Variants in CADM2 observed in about 807,000 individuals in gnomAD.
The protein encoded by CADM2 is cell adhesion molecule 2, also known as immunoglobulin superfamily member 4D.
CADM2 carries 12 observed loss-of-function variants against 49.8 expected under a neutral mutation model. The ratio of observed to expected loss-of-function variants is 0.24; its 90% CI spans 0.15 to 0.39. CADM2 has a LOEUF of 0.39. Ranked by LOEUF, CADM2 falls within the 10% of genes least tolerant of loss-of-function variation. The pLI, the probability that CADM2 is intolerant of heterozygous loss-of-function variation, is 1.00. For synonymous variants in CADM2, 214 were observed against 175.4 expected (o/e 1.22, Z -1.74); for missense variants, 378 against 492.3 (o/e 0.77, Z 2.20).
intron 1 of CADM2, among the ~76,000 whole-genome samples, chr3:84,970,716 A>G (rs2031373067): frequency 6.6e-6 from 1 of 152,052 alleles, no homozygotes; most frequent in African/African-American, 2.4e-5. Context: ...TACAGTTGGT[A>G]TTAAGAATTA....
At chr3:85,859,061 C>T (rs1489954532) in intron 3 of CADM2, among the ~76,000 whole-genome samples, 1 of 151,998 alleles carries the variant, frequency 6.6e-6, no homozygotes, top group Admixed American at 6.6e-5. Flanking sequence ...AAAACATTCT[C>T]ATTGTATACT....
chr3:85,845,437 G>A (rs1328603618), intron 3 of CADM2, among the ~76,000 whole-genome samples: 1 of 152,118 alleles, frequency 6.6e-6, no homozygotes, highest in Non-Finnish European at 1.5e-5. Context: ...GTTCAATCCA[G>A]ATCACTTACC....
Position 85,406,066 on chromosome 3 carries a change from T to C in CADM2, c.62-320456T>C, listed in dbSNP as rs370344264. 1.8e-4 allele frequency among the ~76,000 whole-genome samples: 28 copies of C among 152,148 alleles called. 1 individual carries two copies. The East Asian group carries it at 2.9e-3, about 16-fold the overall frequency. ...ATAAGTAATTTAACTATAAATGGAT[T>C]ATAAAAATCACTTTCAAAAACATCT... On this transcript the variant is annotated intron_variant, in intron 1 of 9. Transcript: ENST00000383699.
intron 1 of CADM2, among the ~76,000 whole-genome samples, chr3:85,596,664 TTA>T (rs2063249093): frequency 6.6e-6 from 1 of 152,078 alleles, no homozygotes; most frequent in Non-Finnish European, 1.5e-5. Flanking sequence ...ACAAGGCAGA[TTA>T]TAGAACATTT....
intron 1 of CADM2, among the ~76,000 whole-genome samples, chr3:85,261,040 C>G (rs1323929881): frequency 6.6e-6 from 1 of 151,956 alleles, no homozygotes; most frequent in African/African-American, 2.4e-5. Context: ...TATTTTTTTG[C>G]TTTCTCTTTC....
chr3:85,568,405 TTC>T (rs1397145475), intron 1 of CADM2, among the ~76,000 whole-genome samples: 2 of 27,566 alleles, frequency 7.3e-5, no homozygotes, highest in African/African-American at 2.1e-4. Context: ...CCCTCTTTCT[TTC>T]TTTCTTTCTT....
chr3:85,095,438 T>C (rs1466607758), intron 1 of CADM2, among the ~76,000 whole-genome samples: 2 of 152,270 alleles, frequency 1.3e-5, no homozygotes, highest in East Asian at 3.9e-4. Flanking sequence ...AACATTCTCC[T>C]ATTGTTTCAC....
intron 1 of CADM2, among the ~76,000 whole-genome samples, chr3:85,192,009 G>A (rs1355540444): frequency 6.6e-6 from 1 of 151,180 alleles, no homozygotes. Flanking sequence ...AACTCTGTTG[G>A]ACAATGTCTC....
intron 1 of CADM2, among the ~76,000 whole-genome samples, chr3:85,342,558 A>C (rs1346562347): frequency 6.6e-6 from 1 of 152,124 alleles, no homozygotes; most frequent in Non-Finnish European, 1.5e-5. Flanking sequence ...TGTAAAGAAT[A>C]GTCCTTGTTC....
At chr3:85,704,850 A>C (rs2107719223) in intron 1 of CADM2, among the ~76,000 whole-genome samples, 1 of 150,124 alleles carries the variant, frequency 6.7e-6, no homozygotes, top group South Asian at 2.1e-4. Flanking sequence ...CTCTTTATTT[A>C]TTTATTATTA....
chr3:85,412,257 T>A (rs2107471920), intron 1 of CADM2, among the ~76,000 whole-genome samples: 1 of 152,340 alleles, frequency 6.6e-6, no homozygotes, highest in South Asian at 2.1e-4. Context: ...ACCTCTCAAA[T>A]GGATTACTGT....
intron 1 of CADM2, among the ~76,000 whole-genome samples, chr3:85,145,983 A>T (rs2039726796): frequency 6.6e-6 from 1 of 152,208 alleles, no homozygotes; most frequent in African/African-American, 2.4e-5. Context: ...GAGACAATAA[A>T]GACAAATTCT....
chr3:85,205,920 A>T (rs1002033463), intron 1 of CADM2, among the ~76,000 whole-genome samples: 2 of 152,150 alleles, frequency 1.3e-5, no homozygotes, highest in African/African-American at 4.8e-5. Context: ...AATAGCTCAA[A>T]CTAATTCAAA....
chr3:85,200,868 C>T (rs1284650295), intron 1 of CADM2, among the ~76,000 whole-genome samples: 1 of 152,154 alleles, frequency 6.6e-6, no homozygotes, highest in Non-Finnish European at 1.5e-5. Flanking sequence ...AAATATCTCA[C>T]TTCTTTCCAT....
At chr3:86,026,281 T>C (rs1733892261) in intron 8 of CADM2, among the ~76,000 whole-genome samples, 1 of 152,114 alleles carries the variant, frequency 6.6e-6, no homozygotes, top group African/African-American at 2.4e-5. Context: ...GAGAACTCTG[T>C]TGTGGAGAGA....
At chr3:85,978,294 C>A (rs1176106096) in intron 8 of CADM2, among the ~76,000 whole-genome samples, 5 of 150,940 alleles carry the variant, frequency 3.3e-5, no homozygotes, top group African/African-American at 1.2e-4. Context: ...AGGATTTGGG[C>A]ATTAAACACT....
intron 1 of CADM2, among the ~76,000 whole-genome samples, chr3:85,712,682 CTCAGAATA>C (rs952952364): frequency 2.5e-4 from 38 of 152,078 alleles, no homozygotes; most frequent in South Asian, 1.7e-3. Flanking sequence ...GTAATAATGC[CTCAGAATA>C]TTTGACTCAA....
intron 1 of CADM2, among the ~76,000 whole-genome samples, chr3:85,530,512 G>C (rs2061281498): frequency 6.6e-6 from 1 of 151,794 alleles, no homozygotes; most frequent in Admixed American, 6.6e-5. Context: ...TGTATTTTCA[G>C]TAGAGACGGG....
intron 1 of CADM2, among the ~76,000 whole-genome samples, chr3:85,695,867 T>A (rs2066537524): frequency 6.6e-6 from 1 of 152,134 alleles, no homozygotes; most frequent in African/African-American, 2.4e-5. Context: ...TAATTTACAA[T>A]CAACCAGCAG....
Sources: gnomAD v4.1 joint callset for allele counts (sites outside exome capture counted in the v4.1 genomes callset) on GRCh38, gnomAD v4.1.1 for gene constraint, MANE v1.5 for transcripts, NCBI Gene and HGNC (gene_info 2026-07-23, HGNC 2026-07-21) for gene names.